HPS5: variants seen among roughly 807,000 people sequenced by gnomAD.
HPS5 encodes HPS5 biogenesis of lysosomal organelles complex 2 subunit 2, also known as BLOC-2 complex member HPS5.
A neutral mutation model predicts 128.0 loss-of-function variants in HPS5; 83 were observed. The observed-to-expected ratio is 0.65, with a 90% confidence interval of 0.54 to 0.78. The LOEUF is 0.78. Among genes scored for constraint, HPS5 ranks in the 30% least tolerant of loss-of-function variants. The probability of loss-of-function intolerance (pLI) is 0.00; values close to 1 mark genes in which losing one functional copy is unlikely to be tolerated. For missense variants in HPS5, 1,281 were observed against 1,326.2 expected (o/e 0.97, Z 0.53); for synonymous variants, 475 against 470.2 (o/e 1.01, Z -0.13).
intron 8 of HPS5, among the ~76,000 whole-genome samples, chr11:18,304,561 T>C (rs1862130617): frequency 6.6e-6 from 1 of 152,214 alleles, no homozygotes; most frequent in Middle Eastern, 3.2e-3. Context: ...GACAAATACA[T>C]GAACTGGTTT....
intron 11 of HPS5, 32 bp from the exon 12 acceptor site, chr11:18,297,016 AGG>A: frequency 3.0e-6 from 4 of 1,346,320 alleles, no homozygotes; most frequent in South Asian, 2.4e-5. Context: ...AAAAAAAAAA[AGG>A]TAAAAATTTC....
intron 9 of HPS5, among the ~76,000 whole-genome samples, chr11:18,300,409 G>A (rs545910992): frequency 2.0e-5 from 3 of 152,192 alleles, no homozygotes; most frequent in South Asian, 2.1e-4. Flanking sequence ...AACTGGGCAC[G>A]GTGGCTCACA....
chr11:18,286,938 G>C, intron 18 of HPS5: 194 of 594,138 alleles, frequency 3.3e-4, no homozygotes, highest in Middle Eastern at 4.5e-4. Flanking sequence ...GAAAGAGAGA[G>C]AGAAAGAAAG....
chr11:18,279,389 T>G lies in HPS5; in HGVS notation c.*493A>C. On this transcript the variant is annotated 3_prime_UTR_variant, in exon 23 of 23. Coordinates refer to ENST00000349215, the MANE Select transcript of HPS5 (RefSeq NM_181507.2). Reference sequence around the variant, plus strand: ...TTCAGTGTTCTACTTATTTTGGGTGTTAATTCCATTATACACCGTCTTATT... The same window carrying G: ...TTCAGTGTTCTACTTATTTTGGGTGGTAATTCCATTATACACCGTCTTATT... The G allele has an allele frequency of 6.2e-6, 1 of 161,114 alleles. No homozygotes were observed. Among genetic ancestry groups the G allele is most frequent in the Non-Finnish European group, 1.4e-5 (1 of 73,036 alleles). The allele number at this position is 161,114 out of a possible 1,614,324, so 10.0% of individuals were successfully genotyped here.
intron 11 of HPS5, 68 bp downstream of exon 11, chr11:18,297,491 G>T: frequency 6.9e-7 from 1 of 1,455,540 alleles, no homozygotes; most frequent in Non-Finnish European, 9.6e-7. Flanking sequence ...GATCCTAGAG[G>T]TAAATAAGAA....
rs373967621 is a variant in HPS5, at chr11:18,296,919, T to C, written c.1389A>G (p.Ser463=). Residue 463 remains serine (S), a synonymous_variant, in exon 12 of 23, where the codon TCA becomes TCG. Transcript: ENST00000349215. ...TGTGAAGGGAGCAAGAGTCTTCATC[T>C]GACTGACTGCCTCTTCTACTACTAA... The part of the protein sequence containing the change: ...RIISSRRGSQ[S]DEDSCSLHSQ... 32 of 1,610,424 alleles carry C rather than the reference T, an allele frequency of 2.0e-5. No homozygotes were observed. Among genetic ancestry groups the C allele is most frequent in the Non-Finnish European group, 2.5e-5 (30 of 1,176,854 alleles).
intron 14 of HPS5, among the ~76,000 whole-genome samples, chr11:18,294,672 C>T (rs1356950888): frequency 1.3e-5 from 2 of 152,144 alleles, no homozygotes; most frequent in Non-Finnish European, 2.9e-5. Context: ...ATAAGCTACA[C>T]AAACAATCTT....
intron 8 of HPS5, 80 bp downstream of exon 8, chr11:18,305,342 A>T: frequency 2.1e-6 from 2 of 966,812 alleles, no homozygotes; most frequent in South Asian, 2.8e-5. Context: ...AACCTTAAAA[A>T]ACTACTTCTG....
chr11:18,303,336 A>G (rs1309503777), intron 8 of HPS5, among the ~76,000 whole-genome samples: 1 of 152,194 alleles, frequency 6.6e-6, no homozygotes, highest in Non-Finnish European at 1.5e-5. Flanking sequence ...AGACAGTGGC[A>G]ATGATAAAGG....
intron 8 of HPS5, among the ~76,000 whole-genome samples, chr11:18,305,117 T>G (rs1265950852): frequency 1.3e-5 from 2 of 152,244 alleles, no homozygotes; most frequent in African/African-American, 4.8e-5. Flanking sequence ...GGGACTTGCT[T>G]TCATTATAGC....
intron 16 of HPS5, among the ~76,000 whole-genome samples, chr11:18,291,012 C>T (rs977814641): frequency 6.6e-6 from 1 of 152,130 alleles, no homozygotes; most frequent in Non-Finnish European, 1.5e-5. Flanking sequence ...TGAGGTCAGG[C>T]GTTTGAGACC....
chr11:18,296,147 AG>A, intron 12 of HPS5, 25 bp from the exon 13 acceptor site: 1 of 1,610,556 alleles, frequency 6.2e-7, no homozygotes. Flanking sequence ...CAGGAAAAAA[AG>A]AAACAAAATC....
intron 1 of HPS5, among the ~76,000 whole-genome samples, chr11:18,319,292 C>T (rs1428087875): frequency 1.7e-5 from 2 of 117,640 alleles, no homozygotes; most frequent in South Asian, 5.9e-4. Flanking sequence ...CACACACACA[C>T]ACATCTTATA....
rs1478358756 is a variant in HPS5, at chr11:18,308,967, G to C, written c.590C>G (p.Ser197Cys). ...ATACCTCTCAGTGTCACACAAGAAG[G>C]ATCGAGTAAGTGAAGATATAAGTAG... ...GRLLISSLTR[S>C]FLCDTEREKF... Residue 197 changes from serine to cysteine, a missense_variant, in exon 6 of 23, where the codon TCC becomes TGC. Coordinates refer to ENST00000349215, the MANE Select transcript of HPS5 (RefSeq NM_181507.2). 6.2e-7 allele frequency: 1 copy of C among 1,614,042 alleles called. No homozygotes were observed. The highest frequency in any genetic ancestry group is 1.7e-5 in the Admixed American group (1 of 60,022).
At chr11:18,288,656 T>C (rs980134834) in intron 16 of HPS5, among the ~76,000 whole-genome samples, 9 of 152,178 alleles carry the variant, frequency 5.9e-5, no homozygotes, top group Non-Finnish European at 1.0e-4. Context: ...TTTTCTTTTT[T>C]AGTTTTTTAG....
chr11:18,317,693 G>T, intron 2 of HPS5, 58 bp downstream of exon 2: 1 of 1,538,202 alleles, frequency 6.5e-7, no homozygotes, highest in Non-Finnish European at 8.9e-7. Flanking sequence ...TGGAGGGTAG[G>T]GGCACAGTAA....
chr11:18,290,254 T>A (rs1167243909), intron 16 of HPS5, among the ~76,000 whole-genome samples: 1 of 152,228 alleles, frequency 6.6e-6, no homozygotes, highest in Non-Finnish European at 1.5e-5. Flanking sequence ...CCCACTGACC[T>A]GGAATACCTG....
chr11:18,301,823 AATAAT>A (rs1000362908), intron 8 of HPS5, among the ~76,000 whole-genome samples: 2 of 152,144 alleles, frequency 1.3e-5, no homozygotes, highest in African/African-American at 2.4e-5. Context: ...AGAGAAATAA[AATAAT>A]ATACCAAAGG....
chr11:18,316,676 T>C (rs1175194231), intron 2 of HPS5, among the ~76,000 whole-genome samples: 2 of 152,186 alleles, frequency 1.3e-5, no homozygotes, highest in African/African-American at 2.4e-5. Context: ...TGGGCCAAGG[T>C]TGAGGATGCA....
Sources: gnomAD v4.1 joint callset for allele counts (sites outside exome capture counted in the v4.1 genomes callset) on GRCh38, gnomAD v4.1.1 for gene constraint, MANE v1.5 for transcripts, NCBI Gene and HGNC (gene_info 2026-07-23, HGNC 2026-07-21) for gene names.